CTNNA2: variants seen among roughly 807,000 people sequenced by gnomAD.
The protein encoded by CTNNA2 is catenin alpha-2.
In CTNNA2, 42 loss-of-function variants were observed where a neutral mutation model predicts 101.0. The observed-to-expected ratio is 0.42, with a 90% CI of 0.32 to 0.54. The LOEUF is 0.54. Ranked by LOEUF, CTNNA2 falls within the 20% of genes least tolerant of loss-of-function variation. The pLI, the probability that CTNNA2 is intolerant of heterozygous loss-of-function variation, is 0.14. For missense variants in CTNNA2, 871 were observed against 1,223.1 expected (o/e 0.71, Z 4.29); for synonymous variants, 450 against 456.4 (o/e 0.99, Z 0.18).
At chr2:80,077,374 A>T (rs961552158) in intron 7 of CTNNA2, among the ~76,000 whole-genome samples, 1 of 152,348 alleles carries the variant, frequency 6.6e-6, no homozygotes, top group East Asian at 1.9e-4. Flanking sequence ...CAACCCATGT[A>T]ACTTCAACAA....
chr2:79,270,202 G>A (rs1191851713), intron 2 of CTNNA2, among the ~76,000 whole-genome samples: 1 of 152,014 alleles, frequency 6.6e-6, no homozygotes, highest in Non-Finnish European at 1.5e-5. Context: ...GGTAAATTTT[G>A]AGATGTGAAC....
At chr2:79,809,829 T>G (rs934181968) in intron 3 of CTNNA2, among the ~76,000 whole-genome samples, 1 of 152,238 alleles carries the variant, frequency 6.6e-6, no homozygotes, top group African/African-American at 2.4e-5. Context: ...TTGCCATTAC[T>G]TTTGGTGTTT....
rs542468883 is a variant in CTNNA2 at position 79,450,166 on chromosome 2, C to CT, written c.-134-54878dup. ...CTAGAAAGATCATGAGAACATTTTC[C>CT]TTTTTTTTTTACTATCATGAGTCAA... is the stretch of plus-strand genomic sequence containing the variant. On this transcript the variant is annotated intron_variant, in intron 4 of 21. Transcript: ENST00000466387. Among the ~76,000 whole-genome samples, 403 of 147,678 alleles carry CT rather than the reference C, an allele frequency of 2.7e-3. 4 individuals carry two copies. The highest frequency in any genetic ancestry group is 3.0e-3 in the Non-Finnish European group (197 of 66,492).
intron 7 of CTNNA2, among the ~76,000 whole-genome samples, chr2:80,112,827 A>C (rs1218212906): frequency 1.3e-5 from 2 of 152,348 alleles, no homozygotes; most frequent in South Asian, 4.1e-4. Context: ...TAAAACTGAT[A>C]CAAAATAAGG....
intron 2 of CTNNA2, among the ~76,000 whole-genome samples, chr2:79,285,659 GA>G (rs1675551450): frequency 2.1e-5 from 2 of 93,240 alleles, no homozygotes; most frequent in Admixed American, 2.4e-4. Flanking sequence ...TTGCTGAGGA[GA>G]GCTTTACTTC....
intron 17 of CTNNA2, among the ~76,000 whole-genome samples, chr2:80,617,390 A>G (rs1413046452): frequency 1.3e-5 from 2 of 151,742 alleles, no homozygotes; most frequent in Admixed American, 6.6e-5. Flanking sequence ...TAATTGCAAA[A>G]TCTCACACAC....
At chr2:79,913,455 G>A (rs996123023) in intron 7 of CTNNA2, among the ~76,000 whole-genome samples, 3 of 152,116 alleles carry the variant, frequency 2.0e-5, no homozygotes, top group Admixed American at 6.5e-5. Flanking sequence ...GCAGGGTGTG[G>A]TGAACCATTA....
intron 7 of CTNNA2, among the ~76,000 whole-genome samples, chr2:80,049,794 T>C (rs1424639728): frequency 6.6e-6 from 1 of 152,204 alleles, no homozygotes; most frequent in Non-Finnish European, 1.5e-5. Context: ...TTCTAGTGTG[T>C]TCCAGAGTTT....
At chr2:80,488,511 C>T (rs948879268) in intron 9 of CTNNA2, among the ~76,000 whole-genome samples, 2 of 152,088 alleles carry the variant, frequency 1.3e-5, no homozygotes, top group African/African-American at 4.8e-5. Flanking sequence ...TAAGCTGTAA[C>T]TCTGTGTCTA....
At chr2:80,539,446 C>T (rs1356635840) in intron 9 of CTNNA2, among the ~76,000 whole-genome samples, 1 of 150,154 alleles carries the variant, frequency 6.7e-6, no homozygotes, top group Admixed American at 6.7e-5. Context: ...CATTGAGCAT[C>T]TAGAAAGTAG....
chr2:80,455,766 A>T (rs926330780), intron 9 of CTNNA2, among the ~76,000 whole-genome samples: 2 of 152,210 alleles, frequency 1.3e-5, no homozygotes, highest in African/African-American at 4.8e-5. Flanking sequence ...ATTGCTTACC[A>T]TTGAGCAGGG....
intron 18 of CTNNA2, among the ~76,000 whole-genome samples, chr2:80,623,523 A>G (rs1336998531): frequency 1.3e-5 from 2 of 151,924 alleles, no homozygotes; most frequent in African/African-American, 4.8e-5. Context: ...AAAGATGGAG[A>G]AAAGTAAAAG....
At chr2:79,700,332 C>A (rs1279516978) in intron 2 of CTNNA2, among the ~76,000 whole-genome samples, 3 of 152,094 alleles carry the variant, frequency 2.0e-5, no homozygotes, top group African/African-American at 7.2e-5. Flanking sequence ...GCTATCATAG[C>A]ATTTCTGATG....
chr2:80,520,388 CAG>C (rs1462488650), intron 9 of CTNNA2, among the ~76,000 whole-genome samples: 2 of 152,194 alleles, frequency 1.3e-5, no homozygotes, highest in Non-Finnish European at 2.9e-5. Flanking sequence ...GCGGGGAACA[CAG>C]AGAAATAGGG....
chr2:79,425,735 A>T (rs907021404), intron 4 of CTNNA2, among the ~76,000 whole-genome samples: 2 of 152,172 alleles, frequency 1.3e-5, no homozygotes. Flanking sequence ...CTCTTATACG[A>T]AAGGATTTGC....
rs1558755028 is a variant in CTNNA2 at position 80,043,096 on chromosome 2, T to C, written c.1056+133299T>C. Among the ~76,000 whole-genome samples, 12 of 21,524 alleles carry C rather than the reference T, an allele frequency of 5.6e-4. 1 individual carries two copies. In the East Asian group the frequency reaches 0.012, roughly 21 times the overall value. The allele number at this position is 21,524 out of a possible 152,430, so 14.1% of individuals were successfully genotyped here. On this transcript the variant is annotated intron_variant, in intron 7 of 18. Coordinates refer to ENST00000402739, the MANE Select transcript of CTNNA2 (RefSeq NM_001282597.3). ...CTTTCTTTCTTTCTTTCTTTCTTTC[T>C]CTCTCTCTCTCTCTCTTTCTTTCTC...
intron 7 of CTNNA2, among the ~76,000 whole-genome samples, chr2:80,020,897 GA>G (rs1277892277): frequency 6.6e-6 from 1 of 151,584 alleles, no homozygotes; most frequent in Non-Finnish European, 1.5e-5. Context: ...GTATGCTGTG[GA>G]CCAGCCAAAG....
chr2:79,438,232 T>G (rs550484791), intron 4 of CTNNA2, among the ~76,000 whole-genome samples: 63 of 152,300 alleles, frequency 4.1e-4, no homozygotes, highest in African/African-American at 1.5e-3. Context: ...GAGATAAGTG[T>G]GGGGGAGTCC....
At chr2:80,443,415 C>T (rs1682769218) in intron 9 of CTNNA2, among the ~76,000 whole-genome samples, 1 of 152,190 alleles carries the variant, frequency 6.6e-6, no homozygotes, top group Non-Finnish European at 1.5e-5. Flanking sequence ...TGTCTATGAG[C>T]TCAGCATTGA....
Sources: allele counts gnomAD v4.1 joint callset (sites outside exome capture counted in the v4.1 genomes callset), GRCh38; gene constraint gnomAD v4.1.1; transcripts MANE v1.5; gene names NCBI Gene and HGNC (gene_info 2026-07-23, HGNC 2026-07-21).